SUZ12: variants seen among roughly 807,000 people sequenced by gnomAD.
SUZ12 encodes the protein polycomb protein SUZ12.
A neutral mutation model predicts 87.3 loss-of-function variants in SUZ12; 17 were observed. That is an observed-to-expected ratio of 0.19 (90% CI 0.13 to 0.29). SUZ12 has a LOEUF of 0.29. Among genes scored for constraint, SUZ12 ranks in the 10% least tolerant of loss-of-function variants. The probability of loss-of-function intolerance (pLI) is 1.00; values close to 1 mark genes in which losing one functional copy is unlikely to be tolerated. For missense variants in SUZ12, 526 were observed against 912.2 expected (o/e 0.58, Z 5.45); for synonymous variants, 253 against 312.4 (o/e 0.81, Z 2.01).
chr17:31,972,303 ATATATATGTG>A (rs1908481910), intron 5 of SUZ12, among the ~76,000 whole-genome samples: 1 of 151,386 alleles, frequency 6.6e-6, no homozygotes, highest in African/African-American at 2.4e-5. Context: ...ATTAGGAAAT[ATATATATGTG>A]TATATATATG....
intron 5 of SUZ12, among the ~76,000 whole-genome samples, chr17:31,969,143 T>A (rs568858658): frequency 6.6e-6 from 1 of 151,770 alleles, no homozygotes; most frequent in Non-Finnish European, 1.5e-5. Flanking sequence ...CACAAGCTAA[T>A]TTTTTTTCTT....
At chr17:31,943,593 G>C (rs1046659112) in intron 3 of SUZ12, among the ~76,000 whole-genome samples, 2 of 152,020 alleles carry the variant, frequency 1.3e-5, no homozygotes, top group Non-Finnish European at 2.9e-5. Flanking sequence ...TTACCTTCCG[G>C]GCTGTACAAA....
chr17:31,989,718 C>T (rs1243726590), intron 10 of SUZ12, among the ~76,000 whole-genome samples: 2 of 151,838 alleles, frequency 1.3e-5, no homozygotes, highest in Non-Finnish European at 2.9e-5. Flanking sequence ...CCTGCCTCAG[C>T]CTCCTGAGTA....
At chr17:31,967,205 A>C (rs1567824129) in intron 5 of SUZ12, 1 of 152,242 alleles carries the variant, frequency 6.6e-6, no homozygotes, top group Non-Finnish European at 1.5e-5. Context: ...TCTCAAAAAA[A>C]AAAAAAAAGG....
chr17:31,942,885 G>T (rs1430786288), intron 3 of SUZ12, among the ~76,000 whole-genome samples: 3 of 152,204 alleles, frequency 2.0e-5, no homozygotes, highest in African/African-American at 7.2e-5. Context: ...GGCGAGAATT[G>T]TGTTAAGCAT....
rs1309211787 is a variant in SUZ12, at chr17:31,966,801, T to C, written c.505+605T>C. 2.6e-5 allele frequency: 4 copies of C among 152,214 alleles called. 1 individual carries two copies. Among genetic ancestry groups the C allele is most frequent in the Non-Finnish European group, 5.9e-5 (4 of 68,062 alleles). 9.4% of individuals were successfully genotyped at this position (152,214 alleles called of 1,614,324 possible). On this transcript the variant is annotated intron_variant, in intron 5 of 15. Coordinates refer to ENST00000322652, the MANE Select transcript of SUZ12 (RefSeq NM_015355.4). The stretch of plus-strand genomic sequence containing the variant: ...CTATTACCAATGGCATATATTAATA[T>C]TTTAGATATTATTCAAAGGAAATTA...
chr17:31,953,464 G>T (rs192569057), intron 4 of SUZ12, among the ~76,000 whole-genome samples: 2 of 152,084 alleles, frequency 1.3e-5, no homozygotes, highest in Non-Finnish European at 2.9e-5. Context: ...CTGGAGTGTA[G>T]TGGCACAATG....
intron 9 of SUZ12, among the ~76,000 whole-genome samples, chr17:31,985,202 A>AG (rs2056791412): frequency 6.7e-6 from 1 of 150,332 alleles, no homozygotes; most frequent in South Asian, 2.1e-4. Context: ...GTCTTACTAT[A>AG]GGGCAGACTG....
At chr17:31,992,996 C>T (rs910248526) in intron 10 of SUZ12, among the ~76,000 whole-genome samples, 7 of 152,312 alleles carry the variant, frequency 4.6e-5, no homozygotes, top group South Asian at 2.1e-4. Flanking sequence ...TGAGCCACCG[C>T]GCCCGGCCAG....
At position 32,000,633 on chromosome 17, in the gene SUZ12, A is replaced by T. The variant is rs1295316297; in HGVS notation, c.*1630A>T. The T allele has an allele frequency of 1.7e-5, 2 of 120,868 alleles. No homozygotes were observed. Among genetic ancestry groups the T allele is most frequent in the East Asian group, 2.1e-4 (1 of 4,726 alleles). 7.5% of individuals were successfully genotyped at this position (120,868 alleles called of 1,614,324 possible). On this transcript the variant is annotated 3_prime_UTR_variant, in exon 16 of 16. Transcript: ENST00000322652. ...ATTTGCTAAAGCTGTGCACATATGTAAAAAAAAAAAAAAAAAGATTATTTT... is the reference window on the plus strand; with the variant it reads ...ATTTGCTAAAGCTGTGCACATATGTTAAAAAAAAAAAAAAAAGATTATTTT...
intron 5 of SUZ12, among the ~76,000 whole-genome samples, chr17:31,972,589 C>G (rs34862036): frequency 5.9e-4 from 90 of 152,240 alleles, no homozygotes; most frequent in East Asian, 2.7e-3. Context: ...CTAATTTTTT[C>G]ACATTTTGTA....
At chr17:31,967,668 C>T (rs1156628837) in intron 5 of SUZ12, 1 of 152,332 alleles carries the variant, frequency 6.6e-6, no homozygotes, top group African/African-American at 2.4e-5. Flanking sequence ...TGACTTGAGG[C>T]CAGGACTTCA....
At chr17:31,941,700 CCACCATGCTCGG>C (rs1906297842) in intron 3 of SUZ12, among the ~76,000 whole-genome samples, 3 of 151,826 alleles carry the variant, frequency 2.0e-5, no homozygotes, top group Admixed American at 2.0e-4. Flanking sequence ...TAGGCGCGTG[CCACCATGCTCGG>C]CTAATTTTTT....
chr17:31,940,059 C>T (rs1032191971), intron 1 of SUZ12, among the ~76,000 whole-genome samples: 1 of 152,176 alleles, frequency 6.6e-6, no homozygotes, highest in Non-Finnish European at 1.5e-5. Context: ...TTGTAGAGAA[C>T]CTTCAGTATA....
intron 4 of SUZ12, among the ~76,000 whole-genome samples, chr17:31,954,274 GC>G (rs1472991887): frequency 6.6e-6 from 1 of 151,982 alleles, no homozygotes; most frequent in Non-Finnish European, 1.5e-5. Context: ...TATTGGTCAG[GC>G]TGGTTTCGAA....
chr17:31,993,322 A>T lies in SUZ12; in HGVS notation c.1282A>T (p.Ile428Leu). Residue 428 changes from isoleucine (I) to leucine (L), a missense_variant, in exon 11 of 16, where the codon ATA becomes TTA. Coordinates refer to ENST00000322652, the MANE Select transcript of SUZ12 (RefSeq NM_015355.4). Reference protein sequence around the residue: ...TPNENRQKLRIFYQFLYNNNT... With the variant: ...TPNENRQKLRLFYQFLYNNNT... ...AAATGAAAACCGACAAAAATTAAGAATATTTTATCAGGTAAACATAGCTGA... is the reference window on the plus strand; with the variant it reads ...AAATGAAAACCGACAAAAATTAAGATTATTTTATCAGGTAAACATAGCTGA... 2.6e-6 allele frequency: 4 copies of T among 1,566,722 alleles called. No individual in the cohort carries two copies. Among genetic ancestry groups the T allele is most frequent in the Non-Finnish European group, 3.5e-6 (4 of 1,154,300 alleles).
chr17:31,938,297 G>C (rs567514817), intron 1 of SUZ12, among the ~76,000 whole-genome samples: 25 of 152,312 alleles, frequency 1.6e-4, no homozygotes, highest in Non-Finnish European at 2.9e-4. Context: ...TTTAAGGAAT[G>C]TTATATCCTG....
chr17:31,946,303 G>A (rs927606474), intron 3 of SUZ12, among the ~76,000 whole-genome samples: 1 of 152,158 alleles, frequency 6.6e-6, no homozygotes, highest in African/African-American at 2.4e-5. Context: ...GGAGACAGGG[G>A]TGGATAGATC....
intron 14 of SUZ12, 113 bp downstream of exon 14, chr17:31,995,875 A>AT: frequency 1.2e-6 from 1 of 803,628 alleles, no homozygotes. Context: ...AAAAAAAAAA[A>AT]GGAATCCGGA....
Sources: gnomAD v4.1 joint callset for allele counts (sites outside exome capture counted in the v4.1 genomes callset) on GRCh38, gnomAD v4.1.1 for gene constraint, MANE v1.5 for transcripts, NCBI Gene and HGNC (gene_info 2026-07-23, HGNC 2026-07-21) for gene names.